ELMO1: variants seen among roughly 807,000 people sequenced by gnomAD.
ELMO1 encodes engulfment and cell motility protein 1.
ELMO1 carries 26 observed loss-of-function variants against 98.9 expected under a neutral mutation model. That is an observed-to-expected ratio of 0.26 (90% CI 0.19 to 0.36). ELMO1 has a LOEUF of 0.36. Ranked by LOEUF, ELMO1 falls within the 10% of genes least tolerant of loss-of-function variation. The pLI is 1.00. For missense variants in ELMO1, 627 were observed against 935.2 expected (o/e 0.67, Z 4.30); for synonymous variants, 346 against 346.0 (o/e 1.00, Z 0.00).
intron 16 of ELMO1, among the ~76,000 whole-genome samples, chr7:36,913,324 T>C (rs777667700): frequency 6.6e-6 from 1 of 152,186 alleles, no homozygotes; most frequent in South Asian, 2.1e-4. Flanking sequence ...AGGAGAGGAA[T>C]GTCAACAAGG....
chr7:37,148,877 T>C (rs1267347603), intron 13 of ELMO1, among the ~76,000 whole-genome samples: 1 of 152,208 alleles, frequency 6.6e-6, no homozygotes, highest in Non-Finnish European at 1.5e-5. Context: ...ATACATGTCA[T>C]GTACAGTAGG....
chr7:36,917,363 A>G (rs549477627), intron 16 of ELMO1, among the ~76,000 whole-genome samples: 1 of 152,230 alleles, frequency 6.6e-6, no homozygotes, highest in East Asian at 1.9e-4. Context: ...TTTTATTCAA[A>G]AAAGAAATTA....
chr7:36,905,078 T>C (rs903339051), intron 16 of ELMO1, among the ~76,000 whole-genome samples: 1 of 152,214 alleles, frequency 6.6e-6, no homozygotes, highest in African/African-American at 2.4e-5. Context: ...GTTCCAAACA[T>C]GTGACCTTGA....
intron 18 of ELMO1, among the ~76,000 whole-genome samples, chr7:36,880,544 C>A (rs1584297108): frequency 2.6e-5 from 4 of 152,340 alleles, no homozygotes; most frequent in African/African-American, 9.6e-5. Flanking sequence ...TGAATATTTG[C>A]TGAGTGGCTG....
chr7:37,373,774 A>G (rs1288528275), intron 1 of ELMO1, among the ~76,000 whole-genome samples: 2 of 149,096 alleles, frequency 1.3e-5, no homozygotes, highest in Non-Finnish European at 3.0e-5. Context: ...ATGGAAGCTC[A>G]AAATATAAAC....
chr7:37,358,669 T>G (rs1424411274), intron 1 of ELMO1, among the ~76,000 whole-genome samples: 1 of 152,168 alleles, frequency 6.6e-6, no homozygotes, highest in African/African-American at 2.4e-5. Flanking sequence ...CTTACTTTTC[T>G]CGGCCTTGAT....
At chr7:37,048,384 C>T (rs1243578035) in intron 15 of ELMO1, among the ~76,000 whole-genome samples, 3 of 152,188 alleles carry the variant, frequency 2.0e-5, no homozygotes, top group Non-Finnish European at 2.9e-5. Flanking sequence ...AAAAATAAGG[C>T]AACCAGTTAC....
chr7:37,145,201 T>C (rs1353537821), intron 13 of ELMO1, among the ~76,000 whole-genome samples: 1 of 152,206 alleles, frequency 6.6e-6, no homozygotes, highest in Non-Finnish European at 1.5e-5. Flanking sequence ...CAGATGTTGC[T>C]AGTTGAGGAC....
At chr7:37,179,277 CTCT>C (rs1407529039) in intron 13 of ELMO1, among the ~76,000 whole-genome samples, 28 of 83,888 alleles carry the variant, frequency 3.3e-4, no homozygotes, top group Non-Finnish European at 5.7e-4. Context: ...TTGCATATAG[CTCT>C]TTTTTTTTTT....
intron 2 of ELMO1, among the ~76,000 whole-genome samples, chr7:37,322,781 C>T (rs1799592034): frequency 6.6e-6 from 1 of 151,800 alleles, no homozygotes; most frequent in Non-Finnish European, 1.5e-5. Context: ...AAGATAGTAC[C>T]ACTACACTCC....
intron 14 of ELMO1, among the ~76,000 whole-genome samples, chr7:37,105,032 T>A (rs1230124519): frequency 6.6e-6 from 1 of 152,136 alleles, no homozygotes. Context: ...ATTGACTGGG[T>A]AATGGTATAG....
At chr7:37,179,545 G>A (rs1055124660) in intron 13 of ELMO1, among the ~76,000 whole-genome samples, 1 of 152,086 alleles carries the variant, frequency 6.6e-6, no homozygotes, top group Admixed American at 6.5e-5. Flanking sequence ...CCAAAGTGCT[G>A]GGATTACAGG....
chr7:37,321,419 A>C (rs17170988), intron 2 of ELMO1, among the ~76,000 whole-genome samples: 31,465 of 152,014 alleles, frequency 0.21, 3,849 homozygotes, highest in East Asian at 0.51. Flanking sequence ...CATTTCATTG[A>C]AAGAAAAGCC....
chr7:37,197,414 G>A (rs983879212), intron 13 of ELMO1, among the ~76,000 whole-genome samples: 5 of 152,140 alleles, frequency 3.3e-5, no homozygotes, highest in South Asian at 2.1e-4. Context: ...ATTACTTCCC[G>A]GCAGACGTGA....
intron 13 of ELMO1, among the ~76,000 whole-genome samples, chr7:37,180,998 A>AT (rs967432842): frequency 7.9e-5 from 12 of 152,196 alleles, no homozygotes; most frequent in African/African-American, 2.9e-4. Flanking sequence ...CAAAAAAATG[A>AT]TTTTTGGAAC....
chr7:37,418,997 TC>T, intron 1 of ELMO1, among the ~76,000 whole-genome samples: 1 of 151,948 alleles, frequency 6.6e-6, no homozygotes, highest in East Asian at 1.9e-4. Context: ...CAGTGTTGGG[TC>T]CCAGGGTCCT....
chr7:37,318,605 G>C (rs1458002598), intron 2 of ELMO1, among the ~76,000 whole-genome samples: 1 of 152,062 alleles, frequency 6.6e-6, no homozygotes, highest in East Asian at 1.9e-4. Flanking sequence ...ATATATGAAA[G>C]GAATAAAGAC....
At chr7:37,397,481 AC>A (rs1189231779) in intron 1 of ELMO1, among the ~76,000 whole-genome samples, 3 of 152,186 alleles carry the variant, frequency 2.0e-5, no homozygotes, top group Non-Finnish European at 4.4e-5. Context: ...GGCGTTATGG[AC>A]AGCATGCCTG....
chr7:37,390,436 C>T (rs1249106453), intron 1 of ELMO1, among the ~76,000 whole-genome samples: 1 of 151,976 alleles, frequency 6.6e-6, no homozygotes, highest in African/African-American at 2.4e-5. Flanking sequence ...CCAAGGAGCA[C>T]ATTTCTTATT....
Sources: gnomAD v4.1 joint callset for allele counts (sites outside exome capture counted in the v4.1 genomes callset) on GRCh38, gnomAD v4.1.1 for gene constraint, MANE v1.5 for transcripts, NCBI Gene and HGNC (gene_info 2026-07-23, HGNC 2026-07-21) for gene names.